The following FIG4 variants were observed in gnomAD, a reference collection of about 807,000 sequenced individuals.
The protein encoded by FIG4 is FIG4 phosphoinositide 5-phosphatase, also known as polyphosphoinositide phosphatase.
FIG4 carries 112 observed loss-of-function variants against 118.6 expected under a neutral mutation model. That is an observed-to-expected ratio of 0.94 (90% CI 0.81 to 1.11). The LOEUF (loss-of-function observed/expected upper bound fraction) is 1.11. Ranked by LOEUF, FIG4 falls within the 50% of genes least tolerant of loss-of-function variation. FIG4 has a pLI of 0.00. For missense variants in FIG4, 969 were observed against 1,111.7 expected, an observed-to-expected ratio of 0.87 and a Z score of 1.83; for synonymous variants, 369 against 381.2, an observed-to-expected ratio of 0.97 and a Z score of 0.37.
intron 3 of FIG4, among the ~76,000 whole-genome samples, chr6:109,719,149 C>G (rs1006200882): frequency 1.3e-5 from 2 of 152,074 alleles, no homozygotes; most frequent in African/African-American, 4.8e-5. Flanking sequence ...AAGCTCCTGG[C>G]CTCAAGCAAT....
intron 10 of FIG4, among the ~76,000 whole-genome samples, chr6:109,754,183 A>T (rs1398261835): frequency 6.6e-6 from 1 of 152,180 alleles, no homozygotes; most frequent in Non-Finnish European, 1.5e-5. Context: ...CCTTTTCTGC[A>T]TCTATTGAGA....
chr6:109,792,797 T>C, intron 21 of FIG4, 133 bp downstream of exon 21: 1 of 588,930 alleles, frequency 1.7e-6, no homozygotes, highest in Non-Finnish European at 3.0e-6. Context: ...TGTAGTGCAG[T>C]GGTATGATCT....
chr6:109,692,984 G>T (rs1042047607), intron 1 of FIG4, among the ~76,000 whole-genome samples: 1 of 152,150 alleles, frequency 6.6e-6, no homozygotes, highest in East Asian at 1.9e-4. Context: ...GCATCTGGCC[G>T]TAAATAAAAC....
At chr6:109,731,477 T>C (rs1051729892) in intron 4 of FIG4, among the ~76,000 whole-genome samples, 20 of 152,206 alleles carry the variant, frequency 1.3e-4, no homozygotes, top group African/African-American at 4.8e-4. Flanking sequence ...AAGTGTGTCA[T>C]GTGTAGTTGG....
chr6:109,691,634 C>T (rs1774422507), intron 1 of FIG4, 133 bp downstream of exon 1: 2 of 878,162 alleles, frequency 2.3e-6, no homozygotes, highest in Non-Finnish European at 3.7e-6. Flanking sequence ...TCAAACACAG[C>T]CTTGGGGTAA....
At chr6:109,750,509 C>T (rs1776658029) in intron 10 of FIG4, among the ~76,000 whole-genome samples, 2 of 152,164 alleles carry the variant, frequency 1.3e-5, no homozygotes, top group African/African-American at 4.8e-5. Context: ...TGATGCACAC[C>T]TGTAGTCCCA....
At chr6:109,775,223 T>C (rs1337219254) in intron 15 of FIG4, among the ~76,000 whole-genome samples, 1 of 152,186 alleles carries the variant, frequency 6.6e-6, no homozygotes, top group Non-Finnish European at 1.5e-5. Flanking sequence ...GTGATTGTTT[T>C]ATTTGCAGTC....
At chr6:109,781,950 A>G (rs779683795) in intron 16 of FIG4, among the ~76,000 whole-genome samples, 1 of 151,816 alleles carries the variant, frequency 6.6e-6, no homozygotes, top group East Asian at 1.9e-4. Context: ...ACTTAACTAC[A>G]CTATTGCCCT....
At chr6:109,691,592 C>T in intron 1 of FIG4, 91 bp downstream of exon 1, 2 of 1,092,600 alleles carry the variant, frequency 1.8e-6, no homozygotes, top group Non-Finnish European at 2.7e-6. Flanking sequence ...ACTCTGCCTC[C>T]TCCTCCTTCC....
intron 18 of FIG4, 133 bp downstream of exon 18, chr6:109,786,582 C>G: frequency 3.3e-6 from 3 of 900,994 alleles, no homozygotes; most frequent in Non-Finnish European, 5.5e-6. Flanking sequence ...CTTTGAATAC[C>G]TCCTGTGATG....
In FIG4 at chr6:109,755,623, G is replaced by A. The variant is rs570114447; in HGVS notation, c.1138-4627G>A. Among the ~76,000 whole-genome samples, 282 of 152,290 alleles carry A rather than the reference G, an allele frequency of 1.9e-3. 4 individuals are homozygous for A. The highest frequency in any genetic ancestry group is 6.8e-3 in the Middle Eastern group (2 of 294). On this transcript the variant is annotated intron_variant, in intron 10 of 22. Transcript: ENST00000230124. The stretch of plus-strand genomic sequence containing the variant: ...TTGCTTAATGAATCTTGGTGCTCCT[G>A]TATTGGGTGCATATATATTTAGGAT...
intron 9 of FIG4, 91 bp downstream of exon 9, chr6:109,743,363 T>G: frequency 7.7e-7 from 1 of 1,305,312 alleles, no homozygotes; most frequent in Admixed American, 1.7e-5. Context: ...ATGCTTAGGT[T>G]TTCAGGAGGT....
chr6:109,704,959 G>T (rs1303994925), intron 1 of FIG4, among the ~76,000 whole-genome samples: 1 of 152,112 alleles, frequency 6.6e-6, no homozygotes. Flanking sequence ...ATTTCCAGAG[G>T]TTCAGAGGAA....
intron 10 of FIG4, among the ~76,000 whole-genome samples, chr6:109,751,045 C>T (rs550070888): frequency 6.6e-6 from 1 of 152,210 alleles, no homozygotes; most frequent in South Asian, 2.1e-4. Flanking sequence ...AATAGCTACC[C>T]CTTTTTGTTT....
At chr6:109,748,563 G>A (rs1403505711) in intron 10 of FIG4, among the ~76,000 whole-genome samples, 1 of 152,098 alleles carries the variant, frequency 6.6e-6, no homozygotes, top group African/African-American at 2.4e-5. Flanking sequence ...GTGGGAATGG[G>A]GATTTAGAAT....
At chr6:109,735,090 C>T in intron 5 of FIG4, 60 bp from the exon 6 acceptor site, 1 of 1,450,156 alleles carries the variant, frequency 6.9e-7, no homozygotes, top group Non-Finnish European at 9.7e-7. Context: ...ATATGGGCGC[C>T]AAGACCATGA....
At position 109,703,805 on chromosome 6, in the gene FIG4, T is replaced by G. The variant is rs182018422; in HGVS notation, c.67-11273T>G. 2.6e-3 allele frequency among the ~76,000 whole-genome samples: 389 copies of G among 152,302 alleles called. 5 individuals are homozygous for G. The highest frequency in any genetic ancestry group is 8.4e-4 in the Non-Finnish European group (57 of 68,016). On this transcript the variant is annotated intron_variant, in intron 1 of 22. Coordinates refer to ENST00000230124, the MANE Select transcript of FIG4 (RefSeq NM_014845.6). ...GCATCTGATGTGACTGCTTTCTCCT[T>G]TCCCAGATGATCTTTCTTTGCTTTG...
At chr6:109,761,737 G>A (rs1439526706) in intron 11 of FIG4, among the ~76,000 whole-genome samples, 2 of 152,168 alleles carry the variant, frequency 1.3e-5, no homozygotes, top group South Asian at 2.1e-4. Flanking sequence ...TGCACTGTGC[G>A]TGGTGCTCTT....
At chr6:109,821,250 C>T (rs1778997873) in intron 22 of FIG4, among the ~76,000 whole-genome samples, 1 of 152,188 alleles carries the variant, frequency 6.6e-6, no homozygotes, top group Admixed American at 6.5e-5. Flanking sequence ...CCTCAGAGAG[C>T]AAGCTGTGGC....
Sources: gnomAD v4.1 joint callset for allele counts (sites outside exome capture counted in the v4.1 genomes callset) on GRCh38, gnomAD v4.1.1 for gene constraint, MANE v1.5 for transcripts, NCBI Gene and HGNC (gene_info 2026-07-23, HGNC 2026-07-21) for gene names.